The following SLC7A13 variants were observed in gnomAD, a reference collection of about 807,000 sequenced individuals.
The protein encoded by SLC7A13 is solute carrier family 7 member 13, also known as X-amino acid transporter 2.
In SLC7A13, 31 loss-of-function variants were observed where a neutral mutation model predicts 32.0. That is an observed-to-expected ratio of 0.97 (90% CI 0.73 to 1.31). SLC7A13 has a LOEUF of 1.31. SLC7A13 is among the 50% of genes most tolerant of loss of function. The pLI is 0.00. For missense variants in SLC7A13, 633 were observed against 546.9 expected (o/e 1.16, Z -1.57); for synonymous variants, 232 against 206.9 (o/e 1.12, Z -1.04).
At chr8:86,218,976 T>G (rs1820242048) in intron 2 of SLC7A13, among the ~76,000 whole-genome samples, 1 of 152,174 alleles carries the variant, frequency 6.6e-6, no homozygotes, top group Admixed American at 6.6e-5. Flanking sequence ...AAGGTAGGAC[T>G]TCCCAAATGC....
chr8:86,219,914 C>T (rs1389312429), intron 2 of SLC7A13, among the ~76,000 whole-genome samples: 1 of 151,974 alleles, frequency 6.6e-6, no homozygotes, highest in African/African-American at 2.4e-5. Context: ...CCTTGTGAGT[C>T]CAAAAGTATA....
chr8:86,227,614 T>A (rs1279965944), intron 1 of SLC7A13, among the ~76,000 whole-genome samples: 1 of 152,186 alleles, frequency 6.6e-6, no homozygotes, highest in Non-Finnish European at 1.5e-5. Flanking sequence ...TAGAAATTGT[T>A]ATATCAAAAA....
chr8:86,217,327 C>A (rs1820200968), intron 3 of SLC7A13, 143 bp downstream of exon 3: 6 of 763,856 alleles, frequency 7.9e-6, no homozygotes, highest in Non-Finnish European at 1.1e-5. Context: ...AAAATTAAAA[C>A]CAAGACTAGA....
In SLC7A13 at chr8:86,229,627, T is replaced by C. The variant is rs779138556; in HGVS notation, c.651A>G (p.Ala217=). The change falls in exon 1 of 4, where the codon GCA becomes GCG. Residue 217 remains alanine (A), a synonymous_variant. Coordinates refer to ENST00000297524, the MANE Select transcript of SLC7A13 (RefSeq NM_138817.3). The stretch of plus-strand genomic sequence containing the variant: ...GTGTAAAGCATGCCCCGCCTGAATA[T>C]GCAAAATATCCTTGGAAGATGGCTT... ...LIQAIFQGYF[A]YSGGACFTLI... is the part of the protein sequence containing the mutation. 3.1e-6 allele frequency: 5 copies of C among 1,614,050 alleles called. No homozygotes were observed. The South Asian group carries it at 3.3e-5, about 11-fold the overall frequency.
intron 1 of SLC7A13, among the ~76,000 whole-genome samples, chr8:86,223,750 C>G (rs1820343279): frequency 6.6e-6 from 1 of 150,666 alleles, no homozygotes; most frequent in African/African-American, 2.5e-5. Context: ...GGGCTAGGCT[C>G]TTCTTATTCA....
chr8:86,218,654 CT>C (rs200038065), intron 2 of SLC7A13, among the ~76,000 whole-genome samples: 3,197 of 139,866 alleles, frequency 0.023, 75 homozygotes, highest in African/African-American at 0.06. Context: ...GAATATTCTA[CT>C]TTTTTTTTTT....
At position 86,217,822 on chromosome 8, in the gene SLC7A13, G is replaced by T; in HGVS notation, c.827C>A (p.Ala276Asp). The T allele has an allele frequency of 2.6e-6, 4 of 1,538,696 alleles. No homozygotes were observed. Among genetic ancestry groups the T allele is most frequent in the Non-Finnish European group, 3.5e-6 (4 of 1,146,872 alleles). ...PREILSSDAV[A>D]ITWADRAFPS... The stretch of plus-strand genomic sequence containing the variant: ...AAAAGCTCGATCAGCCCATGTGATA[G>T]CTACAGCATCTGCAGAAAAACAAAA... Residue 276 changes from alanine to aspartate, a missense_variant, in exon 3 of 4, where the codon GCT (alanine) becomes GAT (aspartate). Ala to Asp is a moderately radical substitution (Grantham distance 126). Transcript: ENST00000297524.
intron 1 of SLC7A13, among the ~76,000 whole-genome samples, chr8:86,226,819 C>A (rs150488805): frequency 6.6e-6 from 1 of 152,296 alleles, no homozygotes; most frequent in East Asian, 1.9e-4. Context: ...CTATTCTCCA[C>A]GGCTTCACTC....
rs764263236 is a variant in SLC7A13, at chr8:86,217,628, G to C, written c.1021C>G (p.Leu341Val). 1 of 1,613,308 alleles carries C rather than the reference G, an allele frequency of 6.2e-7. No homozygotes were observed. Among genetic ancestry groups the C allele is most frequent in the Non-Finnish European group, 8.5e-7 (1 of 1,179,588 alleles). Residue 341 changes from leucine to valine, a missense_variant, in exon 3 of 4, where the codon CTA (leucine) becomes GTA (valine). Transcript: ENST00000297524. ...AGGGATCCCAAAGTGACAAGTAGTA[G>C]CACAGCTGTAAATGGAGAAGAGTGA... ...NSHSSPFTAV[L>V]LLVTLGSLAI...
At chr8:86,225,853 C>T (rs1177246721) in intron 1 of SLC7A13, among the ~76,000 whole-genome samples, 2 of 152,046 alleles carry the variant, frequency 1.3e-5, no homozygotes, top group Non-Finnish European at 2.9e-5. Context: ...ATCAATCAAG[C>T]CCAGAAGGTC....
At chr8:86,228,511 C>A (rs1586151137) in intron 1 of SLC7A13, among the ~76,000 whole-genome samples, 1 of 151,984 alleles carries the variant, frequency 6.6e-6, no homozygotes, top group East Asian at 1.9e-4. Flanking sequence ...GTAGCTAGGA[C>A]TAAAAGTGTG....
chr8:86,228,066 A>G (rs1820418922), intron 1 of SLC7A13, among the ~76,000 whole-genome samples: 1 of 152,204 alleles, frequency 6.6e-6, no homozygotes, highest in Non-Finnish European at 1.5e-5. Context: ...ACAAACCTGT[A>G]CATGATCCCT....
chr8:86,214,791 G>C, intron 3 of SLC7A13, 145 bp from the exon 4 acceptor site: 2 of 646,132 alleles, frequency 3.1e-6, no homozygotes, highest in South Asian at 4.3e-5. Context: ...ATCTGGCTTA[G>C]AAGTCAGATA....
At chr8:86,218,451 G>A (rs1330660645) in intron 2 of SLC7A13, among the ~76,000 whole-genome samples, 1 of 152,096 alleles carries the variant, frequency 6.6e-6, no homozygotes, top group Non-Finnish European at 1.5e-5. Context: ...TTACTCCTCA[G>A]GGTCACTTGG....
At chr8:86,223,447 C>T (rs1333670462) in intron 1 of SLC7A13, among the ~76,000 whole-genome samples, 1 of 152,046 alleles carries the variant, frequency 6.6e-6, no homozygotes, top group Non-Finnish European at 1.5e-5. Context: ...AGTTATTTCA[C>T]TTAGGATGAT....
chr8:86,214,887 A>C (rs1344491947), intron 3 of SLC7A13, among the ~76,000 whole-genome samples: 1 of 152,204 alleles, frequency 6.6e-6, no homozygotes, highest in Admixed American at 6.5e-5. Flanking sequence ...TCATGAATGG[A>C]AATAACTAGA....
At chr8:86,224,758 C>T (rs141878352) in intron 1 of SLC7A13, among the ~76,000 whole-genome samples, 96 of 152,020 alleles carry the variant, frequency 6.3e-4, no homozygotes, top group African/African-American at 1.1e-3. Flanking sequence ...CAATGATTTT[C>T]GGTATACAGG....
At chr8:86,225,314 G>A (rs1014520787) in intron 1 of SLC7A13, among the ~76,000 whole-genome samples, 1 of 152,078 alleles carries the variant, frequency 6.6e-6, no homozygotes, top group South Asian at 2.1e-4. Flanking sequence ...TTTTAACCCT[G>A]CCCGCACCAC....
intron 1 of SLC7A13, 29 bp from the exon 2 acceptor site, chr8:86,223,132 A>ATGT: frequency 6.5e-7 from 1 of 1,527,074 alleles, no homozygotes; most frequent in Non-Finnish European, 8.8e-7. Flanking sequence ...CACAACCATA[A>ATGT]TTGGTAAACA....
Sources: allele counts gnomAD v4.1 joint callset (sites outside exome capture counted in the v4.1 genomes callset), GRCh38; gene constraint gnomAD v4.1.1; transcripts MANE v1.5; gene names NCBI Gene and HGNC (gene_info 2026-07-23, HGNC 2026-07-21).